Variants in SRP19 observed in about 807,000 individuals in gnomAD.
SRP19 encodes the protein signal recognition particle 19 kDa protein.
Under a neutral mutation model 22.4 loss-of-function variants are expected in SRP19, and 11 were observed. The observed-to-expected ratio is 0.49, with a 90% CI of 0.31 to 0.81. The LOEUF (loss-of-function observed/expected upper bound fraction) is 0.81. Ranked by LOEUF, SRP19 falls within the 40% of genes least tolerant of loss-of-function variation. The probability of loss-of-function intolerance (pLI) is 0.05; values close to 1 mark genes in which losing one functional copy is unlikely to be tolerated. For missense variants in SRP19, 168 were observed against 175.9 expected (o/e 0.96, Z 0.25); for synonymous variants, 61 against 57.6 (o/e 1.06, Z -0.27).
rs1383922444 is a variant in SRP19, at chr5:112,862,077, G to A, written c.42-431G>A. ...GAGTGTAGTTGTCCAGGTTCTTGGC[G>A]TTTTGAATAAGGAATTGAACAAAAC... is the stretch of plus-strand genomic sequence containing the variant. On this transcript the variant is annotated intron_variant, in intron 1 of 4. Coordinates refer to ENST00000505459, the MANE Select transcript of SRP19 (RefSeq NM_003135.3). Among the ~76,000 whole-genome samples the A allele has an allele frequency of 2.0e-5, 3 of 152,176 alleles. No homozygotes were observed. The South Asian group carries it at 6.2e-4, about 32-fold the overall frequency.
chr5:112,895,969 A>AATTACAACAGGCCATTCT (rs1768667621), downstream of SRP19: 1 of 152,240 alleles, frequency 6.6e-6, no homozygotes, highest in Non-Finnish European at 1.5e-5. Flanking sequence ...TTAAATTACG[A>AATTACAACAGGCCATTCT]ATTACAACAG....
intron 4 of SRP19, chr5:112,878,778 A>T: frequency 6.2e-7 from 1 of 1,614,142 alleles, no homozygotes; most frequent in South Asian, 1.1e-5. Flanking sequence ...GTTTCCATCC[A>T]GTCTGGTTTA....
chr5:112,871,981 T>C (rs1194703334), downstream of SRP19, among the ~76,000 whole-genome samples: 3 of 152,256 alleles, frequency 2.0e-5, no homozygotes, highest in Non-Finnish European at 4.4e-5. Context: ...GAATCTGTTA[T>C]CAGAATTATA....
chr5:112,871,243 ATTTTTTTTTTT>A (rs10592964), downstream of SRP19, among the ~76,000 whole-genome samples: 9,436 of 94,366 alleles, frequency 0.1, 336 homozygotes, highest in South Asian at 0.21. Context: ...CAATCAGTGA[ATTTTTTTTTTT>A]TTTTTTTTTT....
chr5:112,871,533 G>C (rs1767760391), downstream of SRP19, among the ~76,000 whole-genome samples: 1 of 151,954 alleles, frequency 6.6e-6, no homozygotes, highest in African/African-American at 2.4e-5. Context: ...GAGGCGGGCA[G>C]ATGACTTGCA....
downstream of SRP19, among the ~76,000 whole-genome samples, chr5:112,874,071 C>T (rs189733235): frequency 3.3e-5 from 5 of 152,044 alleles, no homozygotes; most frequent in African/African-American, 4.8e-5. Context: ...GAGGCTGAGG[C>T]GGGAGAATAG....
At chr5:112,896,610 T>G (rs1439769896), downstream of SRP19, 1 of 152,194 alleles carries the variant, frequency 6.6e-6, no homozygotes, top group Non-Finnish European at 1.5e-5. Context: ...GGTCAGGACC[T>G]AATCTTGCCA....
Position 112,891,787 on chromosome 5 carries a change from CAGG to C in SRP19, c.*188_*190del, listed in dbSNP as rs1768461644. ...TCGACTGAGAGACTCAGGACTCTCA[CAGG>C]AGGAGGAAGAGGACACTTTTATTGA... On this transcript the variant is annotated 3_prime_UTR_variant, in exon 5 of 5. Coordinates refer to the SRP19 transcript ENST00000391338. The C allele has an allele frequency of 1.9e-6, 3 of 1,608,534 alleles. No homozygotes were observed. In the South Asian group the frequency reaches 3.3e-5, roughly 18 times the overall value.
chr5:112,893,045 G>T, exon 5 of SRP19: 1 of 1,379,712 alleles, frequency 7.2e-7, no homozygotes, highest in Non-Finnish European at 1.0e-6. Flanking sequence ...TCGGGTAATA[G>T]AGACAGAACT....
chr5:112,891,659 T>A, exon 5 of SRP19: 1 of 1,611,460 alleles, frequency 6.2e-7, no homozygotes, highest in Non-Finnish European at 8.5e-7. Flanking sequence ...CTTGAGAAGA[T>A]GACGTTTCCC....
downstream of SRP19, chr5:112,897,356 C>CAT (rs1462429142): frequency 2.1e-5 from 1 of 47,344 alleles, no homozygotes; most frequent in Non-Finnish European, 4.6e-5. Context: ...TCCCATCACA[C>CAT]ACACACACAC....
intron 1 of SRP19, 182 bp from the exon 2 acceptor site, chr5:112,862,326 G>T: frequency 1.5e-6 from 1 of 655,656 alleles, no homozygotes; most frequent in East Asian, 2.8e-5. Context: ...TTAGTTGCTC[G>T]AGGGGACCAC....
At chr5:112,865,029 G>A (rs939976528) in intron 4 of SRP19, 19 of 214,898 alleles carry the variant, frequency 8.8e-5, no homozygotes, top group African/African-American at 3.4e-4. Context: ...TTATTAAATC[G>A]TTGGATGTTA....
chr5:112,891,872 A>C, exon 5 of SRP19: 1 of 1,453,324 alleles, frequency 6.9e-7, no homozygotes, highest in Non-Finnish European at 9.7e-7. Context: ...AGATTACATG[A>C]GGAGTGGTTG....
At chr5:112,883,707 T>C (rs917153714) in intron 4 of SRP19, among the ~76,000 whole-genome samples, 1 of 152,180 alleles carries the variant, frequency 6.6e-6, no homozygotes, top group Admixed American at 6.5e-5. Flanking sequence ...AACTAGCTAT[T>C]TGACTAATCC....
intron 4 of SRP19, among the ~76,000 whole-genome samples, chr5:112,884,080 C>G (rs1458870835): frequency 1.3e-5 from 2 of 152,216 alleles, no homozygotes; most frequent in African/African-American, 4.8e-5. Flanking sequence ...TCCTGCCTTA[C>G]CCCTTCAGTC....
At chr5:112,890,334 G>A (rs1768398699) in intron 4 of SRP19, among the ~76,000 whole-genome samples, 1 of 147,354 alleles carries the variant, frequency 6.8e-6, no homozygotes, top group African/African-American at 2.6e-5. Flanking sequence ...CTAGAAATTA[G>A]TAAGAATACA....
chr5:112,873,357 T>TTC (rs1312813980), downstream of SRP19, among the ~76,000 whole-genome samples: 1 of 146,568 alleles, frequency 6.8e-6, no homozygotes, highest in East Asian at 2.0e-4. Context: ...TTTTTTTTTT[T>TTC]TTTTTTTTAG....
At chr5:112,873,240 A>G (rs1454091970), downstream of SRP19, among the ~76,000 whole-genome samples, 1 of 74,330 alleles carries the variant, frequency 1.3e-5, no homozygotes, top group Non-Finnish European at 2.7e-5. Flanking sequence ...TTATTTGACT[A>G]TTAGACCTGC....
Sources: allele counts gnomAD v4.1 joint callset (sites outside exome capture counted in the v4.1 genomes callset), GRCh38; gene constraint gnomAD v4.1.1; transcripts MANE v1.5; gene names NCBI Gene and HGNC (gene_info 2026-07-23, HGNC 2026-07-21).